TIMM29: variants seen among roughly 807,000 people sequenced by gnomAD.
TIMM29 encodes the protein translocase of inner mitochondrial membrane 29.
TIMM29 carries 23 observed loss-of-function variants against 19.5 expected under a neutral mutation model. The ratio of observed to expected loss-of-function variants is 1.18; its 90% CI spans 0.85 to 1.67. TIMM29 has a LOEUF of 1.67. Ranked by LOEUF, TIMM29 falls within the 40% of genes most tolerant of loss-of-function variation. The pLI is 0.00. For missense variants in TIMM29, 404 were observed against 384.7 expected (o/e 1.05, Z -0.42); for synonymous variants, 209 against 185.0 (o/e 1.13, Z -1.05).
chr19:10,929,647 A>T lies in TIMM29; in HGVS notation c.728A>T (p.Asp243Val), dbSNP rs759396827. The T allele has an allele frequency of 1.4e-5, 23 of 1,612,880 alleles. 1 individual carries two copies. In the South Asian group the frequency reaches 2.4e-4, roughly 17 times the overall value. Residue 243 changes from aspartate (D) to valine (V), a missense_variant, in exon 2 of 2, where the codon GAC becomes GTC. Asp to Val is a radical substitution (Grantham distance 152). Coordinates refer to ENST00000270502, the MANE Select transcript of TIMM29 (RefSeq NM_138358.4). ...CAGGTCTTGCAGAAGGAGAAGAAGG[A>T]CAGGCTCGCCCTGAGCCAGGCCCAC... ...EEQVLQKEKK[D>V]RLALSQAHSL...
rs778229057 is a variant in TIMM29 at position 10,928,838 on chromosome 19, C to T, written c.16C>T (p.Leu6=). The stretch of plus-strand genomic sequence containing the variant: ...ACGGAAGAGGATGGCCGCGGCGGCT[C>T]TGAGGAGATTTTGGTCCCGGCGCCG... MAAAA[L]RRFWSRRRAE... Residue 6 remains leucine (L), a synonymous_variant, in exon 1 of 2, where the codon CTG becomes TTG. Coordinates refer to ENST00000270502, the MANE Select transcript of TIMM29 (RefSeq NM_138358.4). 1.3e-6 allele frequency: 2 copies of T among 1,526,510 alleles called. No individual in the cohort carries two copies. Among genetic ancestry groups the T allele is most frequent in the South Asian group, 1.2e-5 (1 of 82,608 alleles). 94.6% of individuals were successfully genotyped at this position (1,526,510 alleles called of 1,614,324 possible).
In TIMM29 at chr19:10,929,848, C is replaced by T; in HGVS notation, c.*146C>T. The T allele has an allele frequency of 1.1e-6, 1 of 920,032 alleles. No homozygotes were observed. Among genetic ancestry groups the T allele is most frequent in the South Asian group, 1.8e-5 (1 of 56,106 alleles). The allele number at this position is 920,032 out of a possible 1,614,324, so 57.0% of individuals were successfully genotyped here. On this transcript the variant is annotated 3_prime_UTR_variant, in exon 2 of 2. Transcript: ENST00000270502. ...ACAAGTTTGGGGAGCCTTTCTGCCCCCCGTCTTTGTTCTTTATTAGCTGAA... is the reference window on the plus strand; with the variant it reads ...ACAAGTTTGGGGAGCCTTTCTGCCCTCCGTCTTTGTTCTTTATTAGCTGAA...
At chr19:10,928,945 G>T in intron 1 of TIMM29, 29 bp downstream of exon 1, 1 of 1,489,282 alleles carries the variant, frequency 6.7e-7, no homozygotes, top group East Asian at 2.7e-5. Flanking sequence ...CGGCAGGGTG[G>T]GTGGCCGCCG....
In TIMM29 at chr19:10,929,036, C is replaced by G. The variant is rs773960098; in HGVS notation, c.117C>G (p.Leu39=). ...CAGGGTCCTGGGCCCGCGCGCTGCT[C>G]CGGGACTACGCCGAGGCCTGCAGGG... ...ARLGSWARAL[L]RDYAEACRDA... The change falls in exon 2 of 2, where the codon CTC becomes CTG. Residue 39 remains leucine, a synonymous_variant. Coordinates refer to ENST00000270502, the MANE Select transcript of TIMM29 (RefSeq NM_138358.4). The G allele has an allele frequency of 6.8e-7, 1 of 1,465,290 alleles. No individual in the cohort carries two copies. The highest frequency in any genetic ancestry group is 2.8e-5 in the East Asian group (1 of 36,044). The allele number at this position is 1,465,290 out of a possible 1,614,324, so 90.8% of individuals were successfully genotyped here. A position where few individuals can be genotyped will look rare whatever the true frequency, so the allele number is the denominator to read the frequency against.
At position 10,929,002 on chromosome 19, in the gene TIMM29, C is replaced by G. The variant is rs769474996; in HGVS notation, c.95-12C>G. The G allele has an allele frequency of 2.1e-6, 3 of 1,460,168 alleles. No individual in the cohort carries two copies. Among genetic ancestry groups the G allele is most frequent in the Non-Finnish European group, 2.7e-6 (3 of 1,121,514 alleles). 90.5% of individuals were successfully genotyped at this position (1,460,168 alleles called of 1,614,324 possible). A position where few individuals can be genotyped will look rare whatever the true frequency, so the allele number is the denominator to read the frequency against. ...CGGCCGGATCACTCTTACCGCGCTC[C>G]TCTCCCCTCAGGGTCCTGGGCCCGC... On this transcript the variant is annotated splice_polypyrimidine_tract_variant and intron_variant, in intron 1 of 1. Coordinates refer to ENST00000270502, the MANE Select transcript of TIMM29 (RefSeq NM_138358.4).
chr19:10,929,086 G>A lies in TIMM29; in HGVS notation c.167G>A (p.Arg56Gln), dbSNP rs2083470902. The change falls in exon 2 of 2, where the codon CGG (arginine) becomes CAG (glutamine). Residue 56 changes from arginine (R) to glutamine (Q), a missense_variant. Physicochemically the swap from Arg to Gln is conservative, Grantham distance 43. Coordinates refer to ENST00000270502, the MANE Select transcript of TIMM29 (RefSeq NM_138358.4). ...CRDASAEARA[R>Q]PGRAAVYVGL... ...GACGCTTCGGCGGAGGCTAGGGCCC[G>A]GCCGGGGCGCGCCGCTGTGTATGTG... 2 of 1,458,174 alleles carry A rather than the reference G, an allele frequency of 1.4e-6. No homozygotes were observed. Among genetic ancestry groups the A allele is most frequent in the Non-Finnish European group, 8.9e-7 (1 of 1,118,410 alleles). The allele number at this position is 1,458,174 out of a possible 1,614,324, so 90.3% of individuals were successfully genotyped here.
Position 10,929,860 on chromosome 19 carries a change from CTTT to C in TIMM29, c.*159_*161del. The C allele has an allele frequency of 2.4e-6, 2 of 829,908 alleles. No individual in the cohort carries two copies. 51.4% of individuals were successfully genotyped at this position (829,908 alleles called of 1,614,324 possible). On this transcript the variant is annotated 3_prime_UTR_variant, in exon 2 of 2. Coordinates refer to ENST00000270502, the MANE Select transcript of TIMM29 (RefSeq NM_138358.4). ...AGCCTTTCTGCCCCCCGTCTTTGTT[CTTT>C]ATTAGCTGAAGCTAATTCAGAGCCA...
Position 10,929,579 on chromosome 19 carries a change from C to T in TIMM29, c.660C>T (p.Val220=). ...TCTTCGATGAGAAGTACAAGCCTGT[C>T]GTGCTCACCGACGATCAGGTGGACC... The part of the protein sequence containing the change: ...ERLFDEKYKP[V]VLTDDQVDQA... Residue 220 remains valine, a synonymous_variant, in exon 2 of 2, where the codon GTC becomes GTT. Transcript: ENST00000270502. The T allele has an allele frequency of 6.2e-7, 1 of 1,613,068 alleles. No homozygotes were observed. Among genetic ancestry groups the T allele is most frequent in the Non-Finnish European group, 8.5e-7 (1 of 1,180,026 alleles).
In TIMM29 at chr19:10,930,191, C is replaced by CTTT. The variant is rs2083483592; in HGVS notation, c.*490_*491insTTT. ...AGAGTGACATAGCAAGACTCCGATGCTACAAAAAAGAATAATAATAGTAAT... is the reference window on the plus strand; with the variant it reads ...AGAGTGACATAGCAAGACTCCGATGCTTTTACAAAAAAGAATAATAATAGTAAT... On this transcript the variant is annotated 3_prime_UTR_variant, in exon 2 of 2. Coordinates refer to ENST00000270502, the MANE Select transcript of TIMM29 (RefSeq NM_138358.4). The CTTT allele has an allele frequency of 1.3e-5, 2 of 152,566 alleles. No individual in the cohort carries two copies. The highest frequency in any genetic ancestry group is 1.3e-4 in the Admixed American group (2 of 15,216). The allele number at this position is 152,566 out of a possible 1,614,324, so 9.5% of individuals were successfully genotyped here.
Position 10,929,922 on chromosome 19 carries a change from T to C in TIMM29, c.*220T>C. The C allele has an allele frequency of 1.8e-6, 1 of 570,060 alleles. No individual in the cohort carries two copies. The highest frequency in any genetic ancestry group is 3.1e-6 in the Non-Finnish European group (1 of 323,056). 35.3% of individuals were successfully genotyped at this position (570,060 alleles called of 1,614,324 possible). A position where few individuals can be genotyped will look rare whatever the true frequency, so the allele number is the denominator to read the frequency against. On this transcript the variant is annotated 3_prime_UTR_variant, in exon 2 of 2. Transcript: ENST00000270502. Reference sequence around the variant, plus strand: ...CGGGAGTTGGGGACAGCAGAACGACTTGACACATGTTCATCACTGGCAGAG... The same window carrying C: ...CGGGAGTTGGGGACAGCAGAACGACCTGACACATGTTCATCACTGGCAGAG...
In TIMM29 at chr19:10,929,838, C is replaced by G. The variant is rs562820219; in HGVS notation, c.*136C>G. 1.0e-6 allele frequency: 1 copy of G among 973,084 alleles called. No individual in the cohort carries two copies. The highest frequency in any genetic ancestry group is 1.5e-6 in the Non-Finnish European group (1 of 677,034). 60.3% of individuals were successfully genotyped at this position (973,084 alleles called of 1,614,324 possible). A position where few individuals can be genotyped will look rare whatever the true frequency, so the allele number is the denominator to read the frequency against. ...CTGGATTTGCACAAGTTTGGGGAGC[C>G]TTTCTGCCCCCCGTCTTTGTTCTTT... On this transcript the variant is annotated 3_prime_UTR_variant, in exon 2 of 2. Transcript: ENST00000270502.
In TIMM29 at chr19:10,928,937, G is replaced by GCAGGGTGGGTGGCCGCCGCGA. The variant is rs775027123; in HGVS notation, c.94+42_95-36dup. 1.6e-5 allele frequency: 24 copies of GCAGGGTGGGTGGCCGCCGCGA among 1,500,026 alleles called. 2 individuals carry two copies. The highest frequency in any genetic ancestry group is 2.3e-4 in the Middle Eastern group (1 of 4,320). The allele number at this position is 1,500,026 out of a possible 1,614,324, so 92.9% of individuals were successfully genotyped here. On this transcript the variant is annotated intron_variant, in intron 1 of 1. Coordinates refer to ENST00000270502, the MANE Select transcript of TIMM29 (RefSeq NM_138358.4). ...GCTGGGTGAGTAGCGGCGGAAGGCG[G>GCAGGGTGGGTGGCCGCCGCGA]CAGGGTGGGTGGCCGCCGCGACAGG...
chr19:10,929,792 G>A lies in TIMM29; in HGVS notation c.*90G>A. 7.7e-6 allele frequency: 10 copies of A among 1,301,626 alleles called. No individual in the cohort carries two copies. The South Asian group carries it at 1.2e-4, about 16-fold the overall frequency. The allele number at this position is 1,301,626 out of a possible 1,614,324, so 80.6% of individuals were successfully genotyped here. On this transcript the variant is annotated 3_prime_UTR_variant, in exon 2 of 2. Coordinates refer to ENST00000270502, the MANE Select transcript of TIMM29 (RefSeq NM_138358.4). The stretch of plus-strand genomic sequence containing the variant: ...CACCTGCAGAACAGCTGAGACAGAT[G>A]ATGTGCAAAGTGTTTTCTCACTGGA...
At chr19:10,928,957 G>T in intron 1 of TIMM29, 41 bp downstream of exon 1, 1 of 1,481,168 alleles carries the variant, frequency 6.8e-7, no homozygotes, top group South Asian at 1.3e-5. Context: ...TGGCCGCCGC[G>T]ACAGGGTGGG....
chr19:10,929,165 C>G lies in TIMM29; in HGVS notation c.246C>G (p.Ala82=). Residue 82 remains alanine (A), a synonymous_variant, in exon 2 of 2, where the codon GCC becomes GCG. Transcript: ENST00000270502. ...TCACGCTGGCGCCCAGCGAGGGTGC[C>G]TTCGAGGAGGCGCTGCTGGAGGCGT... The part of the protein sequence containing the change: ...ACFTLAPSEG[A]FEEALLEASG... 7 of 1,456,180 alleles carry G rather than the reference C, an allele frequency of 4.8e-6. No homozygotes were observed. The highest frequency in any genetic ancestry group is 5.4e-6 in the Non-Finnish European group (6 of 1,114,946). 90.2% of individuals were successfully genotyped at this position (1,456,180 alleles called of 1,614,324 possible).
rs1385528820 is a variant in TIMM29 at position 10,928,845 on chromosome 19, G to A, written c.23G>A (p.Arg8Lys). ...AGGATGGCCGCGGCGGCTCTGAGGA[G>A]ATTTTGGTCCCGGCGCCGCGCAGAG... MAAAALR[R>K]FWSRRRAEAG... Residue 8 changes from arginine to lysine, a missense_variant, in exon 1 of 2, where the codon AGA (arginine) becomes AAA (lysine). By Grantham distance (26) the Arg-to-Lys change is conservative. Transcript: ENST00000270502. 1.3e-6 allele frequency: 2 copies of A among 1,526,270 alleles called. No individual in the cohort carries two copies. The highest frequency in any genetic ancestry group is 1.4e-5 in the African/African-American group (1 of 69,312). 94.5% of individuals were successfully genotyped at this position (1,526,270 alleles called of 1,614,324 possible).
Position 10,928,828 on chromosome 19 carries a change from C to T in TIMM29, c.6C>T (p.Ala2=), listed in dbSNP as rs1319575487. 10 of 1,528,910 alleles carry T rather than the reference C, an allele frequency of 6.5e-6. No individual in the cohort carries two copies. The Admixed American group carries it at 1.3e-4, about 19-fold the overall frequency. 94.7% of individuals were successfully genotyped at this position (1,528,910 alleles called of 1,614,324 possible). A position where few individuals can be genotyped will look rare whatever the true frequency, so the allele number is the denominator to read the frequency against. The part of the protein sequence containing the change: M[A]AAALRRFWSR... ...GACCCCCAAGACGGAAGAGGATGGC[C>T]GCGGCGGCTCTGAGGAGATTTTGGT... The change falls in exon 1 of 2, where the codon GCC becomes GCT. Residue 2 remains alanine (A), a synonymous_variant. Transcript: ENST00000270502.
chr19:10,929,542 CCAA>C lies in TIMM29; in HGVS notation c.625_627del (p.Asn209del), dbSNP rs1313142015. On this transcript the variant is annotated inframe_deletion, in exon 2 of 2. Transcript: ENST00000270502. ...GGGCCCCAGCAGCTGCATTCCGAGA[CCAA>C]CGAGCGGCTCTTCGATGAGAAGTAC... is the stretch of plus-strand genomic sequence containing the variant. 1.9e-6 allele frequency: 3 copies of C among 1,613,050 alleles called. No homozygotes were observed. The highest frequency in any genetic ancestry group is 2.5e-6 in the Non-Finnish European group (3 of 1,180,034).
At position 10,928,814 on chromosome 19, in the gene TIMM29, C is replaced by G; in HGVS notation, c.-9C>G. On this transcript the variant is annotated 5_prime_UTR_variant, in exon 1 of 2. Coordinates refer to ENST00000270502, the MANE Select transcript of TIMM29 (RefSeq NM_138358.4). ...CTTCCCGGAGCAAGGACCCCCAAGA[C>G]GGAAGAGGATGGCCGCGGCGGCTCT... is the stretch of plus-strand genomic sequence containing the variant. 6.5e-7 allele frequency: 1 copy of G among 1,528,746 alleles called. No individual in the cohort carries two copies. The highest frequency in any genetic ancestry group is 8.8e-7 in the Non-Finnish European group (1 of 1,140,450). 94.7% of individuals were successfully genotyped at this position (1,528,746 alleles called of 1,614,324 possible). A position where few individuals can be genotyped will look rare whatever the true frequency, so the allele number is the denominator to read the frequency against.
Sources: allele counts gnomAD v4.1 joint callset, GRCh38; gene constraint gnomAD v4.1.1; transcripts MANE v1.5; gene names NCBI Gene and HGNC (gene_info 2026-07-23, HGNC 2026-07-21).